EXOC6: variants seen among roughly 807,000 people sequenced by gnomAD.
The protein encoded by EXOC6 is SEC15-like 1.
In EXOC6, 60 loss-of-function variants were observed where a neutral mutation model predicts 112.5. That is an observed-to-expected ratio of 0.53 (90% CI 0.43 to 0.66). EXOC6 has a LOEUF of 0.66. Ranked by LOEUF, EXOC6 falls within the 30% of genes least tolerant of loss-of-function variation. The pLI is 0.00. For missense variants in EXOC6, 855 were observed against 957.1 expected, an observed-to-expected ratio of 0.89 and a Z score of 1.41; for synonymous variants, 295 against 308.0, an observed-to-expected ratio of 0.96 and a Z score of 0.44.
intron 14 of EXOC6, among the ~76,000 whole-genome samples, chr10:92,950,187 A>G (rs1285307059): frequency 6.6e-6 from 1 of 152,180 alleles, no homozygotes; most frequent in African/African-American, 2.4e-5. Flanking sequence ...AATAAATCTC[A>G]TAAATTATTT....
intron 19 of EXOC6, among the ~76,000 whole-genome samples, chr10:93,001,849 T>C (rs996281140): frequency 1.3e-5 from 2 of 152,206 alleles, no homozygotes; most frequent in Admixed American, 6.5e-5. Flanking sequence ...AGGCCAGACA[T>C]CAATAATTCC....
chr10:93,025,240 G>T (rs1181687744), intron 20 of EXOC6, among the ~76,000 whole-genome samples: 2 of 152,244 alleles, frequency 1.3e-5, no homozygotes, highest in Non-Finnish European at 2.9e-5. Context: ...TTGTGTGATG[G>T]TAATTCCTAG....
At chr10:92,910,170 C>T (rs569363080) in intron 6 of EXOC6, among the ~76,000 whole-genome samples, 1 of 152,294 alleles carries the variant, frequency 6.6e-6, no homozygotes, top group East Asian at 1.9e-4. Flanking sequence ...AACATGGGCT[C>T]ACGATAGTCA....
intron 20 of EXOC6, among the ~76,000 whole-genome samples, chr10:93,016,804 C>T (rs1039017832): frequency 5.3e-5 from 8 of 151,374 alleles, no homozygotes; most frequent in Non-Finnish European, 1.2e-4. Context: ...TGTCTTTTAC[C>T]ATGGCTATTT....
At chr10:92,847,835 C>CTTTTT (rs3078184), upstream of EXOC6, among the ~76,000 whole-genome samples, 4 of 93,672 alleles carry the variant, frequency 4.3e-5, no homozygotes, top group Non-Finnish European at 7.9e-5. Context: ...CGCCCTGGGC[C>CTTTTT]TTTTTTTTTT....
chr10:92,976,075 A>T (rs368590909), intron 18 of EXOC6, among the ~76,000 whole-genome samples: 14,300 of 142,860 alleles, frequency 0.1, 766 homozygotes, highest in African/African-American at 0.14. Context: ...CCGCCCGGCC[A>T]GCCGCCCCGC....
intron 20 of EXOC6, among the ~76,000 whole-genome samples, chr10:93,037,350 G>A (rs534765571): frequency 5.9e-5 from 9 of 151,324 alleles, no homozygotes; most frequent in Non-Finnish European, 1.0e-4. Flanking sequence ...ATGTTGCCCA[G>A]ATTGTTCTGA....
chr10:93,010,823 C>G (rs761536020), intron 19 of EXOC6, among the ~76,000 whole-genome samples: 14 of 151,956 alleles, frequency 9.2e-5, no homozygotes, highest in Non-Finnish European at 1.8e-4. Context: ...CATCTGCATG[C>G]CCTATTTACT....
At chr10:93,047,369 C>G (rs910663401) in intron 20 of EXOC6, among the ~76,000 whole-genome samples, 10 of 151,750 alleles carry the variant, frequency 6.6e-5, no homozygotes, top group African/African-American at 2.4e-4. Context: ...AACGTTGTCT[C>G]TACTAAAAAT....
intron 19 of EXOC6, 150 bp downstream of exon 19, chr10:92,997,765 C>A: frequency 1.9e-6 from 1 of 518,574 alleles, no homozygotes; most frequent in Non-Finnish European, 3.1e-6. Context: ...GGCTAACTTC[C>A]TGAAACAGGA....
intron 20 of EXOC6, among the ~76,000 whole-genome samples, chr10:93,025,598 G>C (rs1728802451): frequency 6.6e-6 from 1 of 152,122 alleles, no homozygotes; most frequent in African/African-American, 2.4e-5. Flanking sequence ...TTGTTTTCAA[G>C]TATTTAATTT....
At chr10:92,866,546 T>A (rs1037511490) in intron 1 of EXOC6, among the ~76,000 whole-genome samples, 1 of 152,144 alleles carries the variant, frequency 6.6e-6, no homozygotes, top group Non-Finnish European at 1.5e-5. Context: ...TTTTGTTACC[T>A]AAAAATGTTG....
chr10:92,903,813 A>G (rs1194641186), intron 5 of EXOC6, among the ~76,000 whole-genome samples: 2 of 152,078 alleles, frequency 1.3e-5, no homozygotes, highest in Non-Finnish European at 2.9e-5. Flanking sequence ...ATAAGTATTT[A>G]CCAGAGTCCA....
intron 20 of EXOC6, among the ~76,000 whole-genome samples, chr10:93,023,802 GATTCTTTGTATAATATGCAGT>G (rs1445254828): frequency 6.6e-6 from 1 of 152,016 alleles, no homozygotes; most frequent in Non-Finnish European, 1.5e-5. Context: ...ACTATATTAA[GATTCTTTGTATAATATGCAGT>G]ATTCAGTGAT....
At chr10:92,874,878 A>G (rs1204836414) in intron 1 of EXOC6, among the ~76,000 whole-genome samples, 1 of 152,116 alleles carries the variant, frequency 6.6e-6, no homozygotes, top group Admixed American at 6.5e-5. Context: ...TAGCTTTTAT[A>G]TGTTAGGCAC....
chr10:92,832,653 T>C (rs900136984), upstream of EXOC6, among the ~76,000 whole-genome samples: 2 of 151,726 alleles, frequency 1.3e-5, no homozygotes, highest in Admixed American at 1.3e-4. Flanking sequence ...CATATAATCT[T>C]ATAATTTGGT....
intron 19 of EXOC6, among the ~76,000 whole-genome samples, chr10:92,997,858 AT>A (rs1438549132): frequency 6.6e-6 from 1 of 152,180 alleles, no homozygotes; most frequent in Non-Finnish European, 1.5e-5. Context: ...ATTTAAAAAC[AT>A]GATTCATTTT....
intron 4 of EXOC6, 103 bp downstream of exon 4, chr10:92,895,123 G>A: frequency 1.4e-6 from 1 of 728,178 alleles, no homozygotes; most frequent in South Asian, 1.6e-5. Context: ...ATTATTTGGT[G>A]ATTGCCTCAC....
At chr10:93,043,041 A>G (rs566860480) in intron 20 of EXOC6, among the ~76,000 whole-genome samples, 72 of 151,896 alleles carry the variant, frequency 4.7e-4, no homozygotes, top group African/African-American at 1.7e-3. Context: ...GGTTCAAGCA[A>G]TTCTCTGCCT....
Sources: allele counts gnomAD v4.1 joint callset (sites outside exome capture counted in the v4.1 genomes callset), GRCh38; gene constraint gnomAD v4.1.1; transcripts MANE v1.5; gene names NCBI Gene and HGNC (gene_info 2026-07-23, HGNC 2026-07-21).